TMEM117: variants seen among roughly 807,000 people sequenced by gnomAD.
TMEM117 encodes the protein transmembrane protein 117.
Under a neutral mutation model 52.4 loss-of-function variants are expected in TMEM117, and 27 were observed. That is an observed-to-expected ratio of 0.51 (90% CI 0.38 to 0.71). TMEM117 has a LOEUF of 0.71. TMEM117 is among the 30% of genes least tolerant of loss of function. The probability of loss-of-function intolerance (pLI) is 0.00; values close to 1 mark genes in which losing one functional copy is unlikely to be tolerated. For synonymous variants in TMEM117, 215 were observed against 206.3 expected (o/e 1.04, Z -0.36); for missense variants, 556 against 630.5 (o/e 0.88, Z 1.26).
intron 3 of TMEM117, among the ~76,000 whole-genome samples, chr12:44,027,175 T>TTTTATTTTATTTTA (rs2137854663): frequency 7.3e-6 from 1 of 136,056 alleles, no homozygotes; most frequent in African/African-American, 3.0e-5. Context: ...TTTTATTTTA[T>TTTTATTTTATTTTA]TTTATTTTAT....
At chr12:44,380,217 C>T (rs1952001033) in intron 7 of TMEM117, among the ~76,000 whole-genome samples, 1 of 152,134 alleles carries the variant, frequency 6.6e-6, no homozygotes, top group African/African-American at 2.4e-5. Flanking sequence ...GGGAGAAAGG[C>T]ACATGGTAGA....
intron 2 of TMEM117, among the ~76,000 whole-genome samples, chr12:43,904,365 T>C (rs1380124435): frequency 1.3e-5 from 2 of 152,138 alleles, no homozygotes; most frequent in East Asian, 3.9e-4. Flanking sequence ...CAGAGCAAGA[T>C]CCTGTCTTTT....
intron 4 of TMEM117, among the ~76,000 whole-genome samples, chr12:44,162,438 A>G (rs967264061): frequency 6.6e-6 from 1 of 152,176 alleles, no homozygotes; most frequent in Non-Finnish European, 1.5e-5. Flanking sequence ...GATCTTTTCC[A>G]GTAAAACTAC....
At chr12:43,838,972 T>TCATCTCAGGAAATGCATTTTC (rs1477033228) in intron 1 of TMEM117, among the ~76,000 whole-genome samples, 2 of 152,120 alleles carry the variant, frequency 1.3e-5, no homozygotes, top group Non-Finnish European at 2.9e-5. Context: ...GCATCCCTCT[T>TCATCTCAGGAAATGCATTTTC]CATCTCAGGA....
At chr12:44,217,621 ATC>A (rs1949734820) in intron 5 of TMEM117, among the ~76,000 whole-genome samples, 1 of 152,166 alleles carries the variant, frequency 6.6e-6, no homozygotes. Flanking sequence ...TAGAGGTAGA[ATC>A]TATAGGCAGG....
At chr12:44,037,690 G>A (rs2407790) in intron 3 of TMEM117, among the ~76,000 whole-genome samples, 101,667 of 151,986 alleles carry the variant, frequency 0.67, 35,459 homozygotes, top group East Asian at 0.88. Flanking sequence ...TTTGAAGCCT[G>A]TGAAAACTCT....
intron 1 of TMEM117, among the ~76,000 whole-genome samples, chr12:43,836,503 C>A (rs1274209289): frequency 2.0e-5 from 3 of 152,134 alleles, no homozygotes; most frequent in African/African-American, 4.8e-5. Flanking sequence ...CTCAAACTCC[C>A]GGCTCCAGTG....
intron 4 of TMEM117, among the ~76,000 whole-genome samples, chr12:44,209,673 C>T (rs1242364379): frequency 1.3e-5 from 2 of 152,066 alleles, no homozygotes; most frequent in South Asian, 2.1e-4. Context: ...TGTAGTGTTA[C>T]TCAGTGAAGG....
At chr12:43,859,326 T>C (rs1943449468) in intron 2 of TMEM117, among the ~76,000 whole-genome samples, 1 of 152,138 alleles carries the variant, frequency 6.6e-6, no homozygotes, top group African/African-American at 2.4e-5. Flanking sequence ...AGGCCAGTGT[T>C]TCTGGATCAG....
At chr12:44,201,563 C>T (rs1489754636) in intron 4 of TMEM117, among the ~76,000 whole-genome samples, 1 of 152,010 alleles carries the variant, frequency 6.6e-6, no homozygotes, top group Non-Finnish European at 1.5e-5. Flanking sequence ...TCTACTCAAA[C>T]TATAAAAAGT....
At chr12:43,888,996 G>T (rs928739065) in intron 2 of TMEM117, among the ~76,000 whole-genome samples, 6 of 152,102 alleles carry the variant, frequency 3.9e-5, no homozygotes, top group Admixed American at 1.3e-4. Context: ...TGGGTTTTGT[G>T]GAAGACAGTT....
At chr12:43,932,790 A>G (rs999262072) in intron 2 of TMEM117, among the ~76,000 whole-genome samples, 1 of 152,266 alleles carries the variant, frequency 6.6e-6, no homozygotes, top group Non-Finnish European at 1.5e-5. Context: ...TAGTAAATCT[A>G]TAAATGGAAT....
chr12:44,044,733 G>A (rs1432499602), intron 3 of TMEM117, among the ~76,000 whole-genome samples: 1 of 152,226 alleles, frequency 6.6e-6, no homozygotes, highest in Non-Finnish European at 1.5e-5. Flanking sequence ...GTGGACAGCT[G>A]CAGCACTACA....
At chr12:43,856,014 A>G (rs2137385008) in intron 2 of TMEM117, among the ~76,000 whole-genome samples, 1 of 152,330 alleles carries the variant, frequency 6.6e-6, no homozygotes, top group Middle Eastern at 3.4e-3. Flanking sequence ...TGTTAATTTG[A>G]GATCTGAATA....
At chr12:43,863,734 C>T (rs1307429707) in intron 2 of TMEM117, among the ~76,000 whole-genome samples, 2 of 152,186 alleles carry the variant, frequency 1.3e-5, no homozygotes, top group Non-Finnish European at 2.9e-5. Flanking sequence ...TGACAGCGTG[C>T]TGGCAGCCCT....
At chr12:44,300,025 A>C (rs1046904850) in intron 6 of TMEM117, among the ~76,000 whole-genome samples, 2 of 152,220 alleles carry the variant, frequency 1.3e-5, no homozygotes, top group Non-Finnish European at 2.9e-5. Context: ...GGGGAAAAAA[A>C]ACACACTCAG....
the TMEM117 span, chr12:43,798,457 C>T: frequency 9.1e-7 from 1 of 1,097,730 alleles, no homozygotes; most frequent in Non-Finnish European, 1.3e-6. Flanking sequence ...CGCAGTGTTG[C>T]AACAGAAAGT....
chr12:44,328,850 C>T (rs942791953), intron 6 of TMEM117, among the ~76,000 whole-genome samples: 1 of 151,990 alleles, frequency 6.6e-6, no homozygotes, highest in Non-Finnish European at 1.5e-5. Flanking sequence ...TCTCTTGTTA[C>T]ATCAATGATT....
chr12:43,942,955 G>C (rs1039012790), intron 2 of TMEM117, among the ~76,000 whole-genome samples: 2 of 151,938 alleles, frequency 1.3e-5, no homozygotes, highest in African/African-American at 4.8e-5. Flanking sequence ...GAGGAGGGCA[G>C]ATCACGAGGT....
Sources: gnomAD v4.1 joint callset for allele counts (sites outside exome capture counted in the v4.1 genomes callset) on GRCh38, gnomAD v4.1.1 for gene constraint, MANE v1.5 for transcripts, NCBI Gene and HGNC (gene_info 2026-07-23, HGNC 2026-07-21) for gene names.